Variants in GLYATL1 observed in about 807,000 individuals in gnomAD.
The protein encoded by GLYATL1 is glycine-N-acyltransferase like 1.
Under a neutral mutation model 20.0 loss-of-function variants are expected in GLYATL1, and 15 were observed. The ratio of observed to expected loss-of-function variants is 0.75; its 90% confidence interval spans 0.50 to 1.15. The LOEUF is 1.15. Ranked by LOEUF, GLYATL1 falls within the 50% of genes most tolerant of loss-of-function variation. The pLI is 0.00. For synonymous variants in GLYATL1, 151 were observed against 131.5 expected (o/e 1.15, Z -1.01); for missense variants, 380 against 368.5 (o/e 1.03, Z -0.26).
At chr11:58,910,056 T>A (rs1445812043), downstream of GLYATL1, among the ~76,000 whole-genome samples, 2 of 152,198 alleles carry the variant, frequency 1.3e-5, no homozygotes, top group Non-Finnish European at 2.9e-5. Flanking sequence ...GCCATCTAAT[T>A]GTCCCAACTT....
At chr11:58,935,827 TTTG>T (rs916686226), upstream of GLYATL1, 2 of 152,158 alleles carry the variant, frequency 1.3e-5, no homozygotes, top group African/African-American at 2.4e-5. Context: ...GTTTATGGCT[TTTG>T]TTGTTGTGAT....
upstream of GLYATL1, among the ~76,000 whole-genome samples, chr11:58,925,925 C>T (rs957498455): frequency 2.6e-5 from 4 of 152,130 alleles, no homozygotes; most frequent in Non-Finnish European, 5.9e-5. Context: ...TGTCAGCTGG[C>T]ATAAGCTGGT....
chr11:58,945,497 G>A (rs1856502787), intron 2 of GLYATL1, among the ~76,000 whole-genome samples: 2 of 152,166 alleles, frequency 1.3e-5, no homozygotes, highest in African/African-American at 4.8e-5. Flanking sequence ...GCTGATAGGT[G>A]TGGGGATTGT....
intron 4 of GLYATL1, among the ~76,000 whole-genome samples, chr11:58,949,328 G>A (rs967874488): frequency 6.6e-6 from 1 of 152,188 alleles, no homozygotes; most frequent in Non-Finnish European, 1.5e-5. Flanking sequence ...AGTGACCCTA[G>A]CTTGAGGAAC....
At chr11:58,908,700 C>T (rs185279329), downstream of GLYATL1, 10 of 152,358 alleles carry the variant, frequency 6.6e-5, no homozygotes, top group Middle Eastern at 3.4e-3. Context: ...CACATAAGTG[C>T]TTGTGTAAAG....
chr11:58,936,216 A>G (rs139405650), upstream of GLYATL1, among the ~76,000 whole-genome samples: 124 of 152,344 alleles, frequency 8.1e-4, 1 homozygote, highest in African/African-American at 2.9e-3. Context: ...CAGATCAAAT[A>G]TTTGTGTAAA....
chr11:58,916,579 G>A (rs181529607), intron 1 of GLYATL1, among the ~76,000 whole-genome samples: 3 of 152,274 alleles, frequency 2.0e-5, no homozygotes, highest in Non-Finnish European at 4.4e-5. Context: ...AGTGCAATCT[G>A]GGACTGGCAC....
chr11:58,917,357 C>T (rs1855199026), intron 1 of GLYATL1: 2 of 152,206 alleles, frequency 1.3e-5, no homozygotes, highest in Admixed American at 1.3e-4. Context: ...CACTCAGACC[C>T]AGCAGATTAA....
chr11:58,947,080 C>A lies in GLYATL1; in HGVS notation c.-8C>A. On this transcript the variant is annotated 5_prime_UTR_variant, in exon 3 of 7. Transcript: ENST00000532726. ...TTCAAGGTCTCAAGGTCTGAAGCATCCCACAGAATGATCCTACTGAATAAC... is the reference window on the plus strand; with the variant it reads ...TTCAAGGTCTCAAGGTCTGAAGCATACCACAGAATGATCCTACTGAATAAC... The A allele has an allele frequency of 6.2e-7, 1 of 1,613,916 alleles. No individual in the cohort carries two copies. The highest frequency in any genetic ancestry group is 8.5e-7 in the Non-Finnish European group (1 of 1,179,782).
intron 4 of GLYATL1, among the ~76,000 whole-genome samples, chr11:58,949,854 T>C (rs1018789775): frequency 2.0e-5 from 3 of 152,006 alleles, no homozygotes; most frequent in African/African-American, 7.2e-5. Context: ...AAAAAATTAA[T>C]TTTTTCATTG....
At chr11:58,924,138 C>T (rs1216976404), upstream of GLYATL1, among the ~76,000 whole-genome samples, 2 of 152,188 alleles carry the variant, frequency 1.3e-5, no homozygotes, top group African/African-American at 4.8e-5. Context: ...TGGCCCTGAG[C>T]AGCTTGCACT....
intron 1 of GLYATL1, among the ~76,000 whole-genome samples, chr11:58,919,984 G>A (rs1264619619): frequency 6.6e-6 from 1 of 152,136 alleles, no homozygotes. Flanking sequence ...GTATTTCCCA[G>A]TTTTTTGGGC....
chr11:58,908,440 G>T, exon 2 of GLYATL1: 1 of 176,248 alleles, frequency 5.7e-6, no homozygotes, highest in Non-Finnish European at 1.3e-5. Flanking sequence ...ACTAGTAGAA[G>T]TTAGTTATAT....
At position 58,955,202 on chromosome 11, in the gene GLYATL1, A is replaced by G. The variant is rs769892104; in HGVS notation, c.340A>G (p.Ile114Val). 11 of 1,613,948 alleles carry G rather than the reference A, an allele frequency of 6.8e-6. No individual in the cohort carries two copies. The South Asian group carries it at 1.2e-4, about 18-fold the overall frequency. The change falls in exon 6 of 7, where the codon ATA (isoleucine) becomes GTA (valine). Residue 114 changes from isoleucine to valine, a missense_variant. Transcript: ENST00000532726. ...QGLQESLGEG[I>V]RVATFSKSVK... ...TCTTCAAGAAAGTTTAGGTGAGGGG[A>G]TAAGAGTGGCTACATTTTCAAAGTC...
At chr11:58,945,142 G>A (rs773692186) in intron 2 of GLYATL1, among the ~76,000 whole-genome samples, 1 of 151,554 alleles carries the variant, frequency 6.6e-6, no homozygotes, top group East Asian at 1.9e-4. Context: ...TGACAAAAAG[G>A]CTCTGGAAAT....
At chr11:58,912,770 T>C (rs540383), downstream of GLYATL1, among the ~76,000 whole-genome samples, 1 of 152,230 alleles carries the variant, frequency 6.6e-6, no homozygotes, top group Admixed American at 6.5e-5. Flanking sequence ...CAAACTTTAT[T>C]GACCAGCTCC....
upstream of GLYATL1, among the ~76,000 whole-genome samples, chr11:58,926,397 G>C (rs1271411296): frequency 6.6e-6 from 1 of 152,190 alleles, no homozygotes; most frequent in Non-Finnish European, 1.5e-5. Flanking sequence ...ATAAAAACAG[G>C]ATGTGTACGT....
chr11:58,928,475 T>C (rs1164952303), intron 1 of GLYATL1: 1 of 152,346 alleles, frequency 6.6e-6, no homozygotes, highest in Admixed American at 6.5e-5. Context: ...GGAAGGTCTG[T>C]TTCTGCAGAC....
At chr11:58,909,964 T>C (rs1454474108), downstream of GLYATL1, among the ~76,000 whole-genome samples, 1 of 152,168 alleles carries the variant, frequency 6.6e-6, no homozygotes, top group Non-Finnish European at 1.5e-5. Context: ...TCCTGCATAG[T>C]GGCAAACAGA....
Sources: gnomAD v4.1 joint callset for allele counts (sites outside exome capture counted in the v4.1 genomes callset) on GRCh38, gnomAD v4.1.1 for gene constraint, MANE v1.5 for transcripts, NCBI Gene and HGNC (gene_info 2026-07-23, HGNC 2026-07-21) for gene names.